The following ABCC3 variants were observed in gnomAD, a reference collection of about 807,000 sequenced individuals.
ABCC3 encodes the protein ATP-binding cassette sub-family C member 3.
In ABCC3, 121 loss-of-function variants were observed where a neutral mutation model predicts 165.3. The observed-to-expected ratio is 0.73, with a 90% CI of 0.63 to 0.85. The LOEUF is 0.85. Ranked by LOEUF, ABCC3 falls within the 40% of genes least tolerant of loss-of-function variation. The probability of loss-of-function intolerance (pLI) is 0.00; values close to 1 mark genes in which losing one functional copy is unlikely to be tolerated. For synonymous variants in ABCC3, 733 were observed against 810.1 expected, an observed-to-expected ratio of 0.90 and a Z score of 1.62; for missense variants, 1,869 against 1,964.1, an observed-to-expected ratio of 0.95 and a Z score of 0.92.
chr17:50,673,692 C>G (rs1295281746), intron 19 of ABCC3, 34 bp downstream of exon 19: 20 of 1,604,076 alleles, frequency 1.2e-5, no homozygotes, highest in Non-Finnish European at 1.5e-5. Context: ...GATTCCCATG[C>G]CTTCCCAGCA....
intron 26 of ABCC3, among the ~76,000 whole-genome samples, chr17:50,683,190 C>A (rs1399574512): frequency 2.0e-5 from 3 of 151,598 alleles, no homozygotes; most frequent in Non-Finnish European, 4.4e-5. Context: ...GCCTGAGTGA[C>A]AGAACAAGAA....
rs11568605 is a variant in ABCC3 at position 50,663,719 on chromosome 17, C to G, written c.1037C>G (p.Ser346Cys). 1.9e-6 allele frequency: 3 copies of G among 1,614,228 alleles called. No individual in the cohort carries two copies. The South Asian group carries it at 3.3e-5, about 18-fold the overall frequency. The stretch of plus-strand genomic sequence containing the variant: ...TTTATCTCCAACCCCATGGCCCCCT[C>G]CTGGTGGGGCTTCCTGGTGGCTGGG... Reference protein sequence around the residue: ...IRFISNPMAPSWWGFLVAGLM... With the variant: ...IRFISNPMAPCWWGFLVAGLM... The change falls in exon 9 of 31, where the codon TCC becomes TGC. Residue 346 changes from serine (S) to cysteine (C), a missense_variant. Transcript: ENST00000285238.
chr17:50,670,976 T>C (rs1555594076), intron 17 of ABCC3, among the ~76,000 whole-genome samples: 3 of 152,118 alleles, frequency 2.0e-5, no homozygotes, highest in Non-Finnish European at 2.9e-5. Context: ...ACATAAAATA[T>C]ATCATCTTGC....
rs72837543 is a variant in ABCC3, at chr17:50,652,701, G to A, written c.46-3131G>A. Among the ~76,000 whole-genome samples, 25 of 152,284 alleles carry A rather than the reference G, an allele frequency of 1.6e-4. 1 individual carries two copies. The South Asian group carries it at 1.7e-3, about 10-fold the overall frequency. The stretch of plus-strand genomic sequence containing the variant: ...GTTAGCCACCGTCCCAGAAAGTGGC[G>A]TCTCAGACTCTGGAGTCCCAGACTC... On this transcript the variant is annotated intron_variant, in intron 1 of 30. Transcript: ENST00000285238.
chr17:50,656,576 C>A, intron 2 of ABCC3, 126 bp from the exon 3 acceptor site: 1 of 1,338,982 alleles, frequency 7.5e-7, no homozygotes, highest in Non-Finnish European at 1.0e-6. Flanking sequence ...GCTCCATTCC[C>A]AGACCTCAGT....
At position 50,664,064 on chromosome 17, in the gene ABCC3, T is replaced by C. The variant is rs1408522194; in HGVS notation, c.1291T>C (p.Trp431Arg). The C allele has an allele frequency of 1.9e-6, 3 of 1,614,222 alleles. No individual in the cohort carries two copies. The highest frequency in any genetic ancestry group is 2.2e-5 in the South Asian group (2 of 91,084). ...CCTTGCCCCCTTCCTCAATCTGCTGTGGTCAGCACCCCTGCAGATCATCCT... is the reference window on the plus strand; with the variant it reads ...CCTTGCCCCCTTCCTCAATCTGCTGCGGTCAGCACCCCTGCAGATCATCCT... ...MDLAPFLNLL[W>R]SAPLQIILAI... The change falls in exon 10 of 31, where the codon TGG becomes CGG. Residue 431 changes from tryptophan to arginine, a missense_variant. Transcript: ENST00000285238.
Position 50,676,496 on chromosome 17 carries a change from A to G in ABCC3, c.3286A>G (p.Asn1096Asp), listed in dbSNP as rs1380206473. 1.2e-6 allele frequency: 2 copies of G among 1,612,900 alleles called. No homozygotes were observed. Among genetic ancestry groups the G allele is most frequent in the Non-Finnish European group, 1.7e-6 (2 of 1,179,774 alleles). ...CCTCATGCTGCTCAATTCCTTCTTC[A>G]ACGCCATCTCCACTCTTGTGGTCAT... is the stretch of plus-strand genomic sequence containing the variant. ...VILMLLNSFF[N>D]AISTLVVIMA... The change falls in exon 23 of 31, where the codon AAC becomes GAC. Residue 1096 changes from asparagine (N) to aspartate (D), a missense_variant. Transcript: ENST00000285238.
chr17:50,645,576 T>C (rs2146592739), intron 1 of ABCC3, among the ~76,000 whole-genome samples: 1 of 152,188 alleles, frequency 6.6e-6, no homozygotes, highest in South Asian at 2.1e-4. Context: ...TTCATTCATT[T>C]ATTCAATAAA....
chr17:50,673,989 T>C (rs1567835604), intron 19 of ABCC3, among the ~76,000 whole-genome samples: 7 of 5,710 alleles, frequency 1.2e-3, no homozygotes, highest in East Asian at 2.7e-3. Flanking sequence ...TCTCTCTCTC[T>C]CTCTCTCTCT....
intron 1 of ABCC3, among the ~76,000 whole-genome samples, chr17:50,652,637 C>T (rs1308432483): frequency 6.6e-6 from 1 of 152,060 alleles, no homozygotes. Flanking sequence ...ACCCATTTTT[C>T]CAAAAATACA....
chr17:50,673,170 G>T (rs1291011195), intron 18 of ABCC3, 32 bp downstream of exon 18: 1 of 1,611,224 alleles, frequency 6.2e-7, no homozygotes, highest in Non-Finnish European at 8.5e-7. Context: ...GGGGGCTAAG[G>T]TGAGATCTGA....
At chr17:50,664,413 C>T in intron 10 of ABCC3, 1 of 376,158 alleles carries the variant, frequency 2.7e-6, no homozygotes, top group Non-Finnish European at 4.9e-6. Flanking sequence ...ATAGAATTGA[C>T]ACAAGAGCTG....
intron 26 of ABCC3, 65 bp downstream of exon 26, chr17:50,679,964 C>T: frequency 7.8e-7 from 1 of 1,288,186 alleles, no homozygotes; most frequent in Non-Finnish European, 1.1e-6. Flanking sequence ...AGCTTGGTGG[C>T]TCTCTCTCCC....
At chr17:50,677,599 T>G in intron 23 of ABCC3, 145 bp from the exon 24 acceptor site, 1 of 789,016 alleles carries the variant, frequency 1.3e-6, no homozygotes, top group Non-Finnish European at 2.1e-6. Context: ...CTTGGGTCCT[T>G]GGAGGTGGGG....
rs1167212650 is a variant in ABCC3 at position 50,655,422 on chromosome 17, C to CAAA, written c.46-407_46-405dup. Among the ~76,000 whole-genome samples, 23 of 113,942 alleles carry CAAA rather than the reference C, an allele frequency of 2.0e-4. No homozygotes were observed. In the East Asian group the frequency reaches 3.2e-3, roughly 16 times the overall value. The allele number at this position is 113,942 out of a possible 152,430, so 74.8% of individuals were successfully genotyped here. A position where few individuals can be genotyped will look rare whatever the true frequency, so the allele number is the denominator to read the frequency against. ...TCTGTCTCAAAAAAAAAAAAAAAAACAAAAACAAAAAAAAAAGAGTGGGAA... is the reference window on the plus strand; with the variant it reads ...TCTGTCTCAAAAAAAAAAAAAAAAACAAAAAAAACAAAAAAAAAAGAGTGGGAA... On this transcript the variant is annotated intron_variant, in intron 1 of 30. Transcript: ENST00000285238.
At position 50,665,117 on chromosome 17, in the gene ABCC3, TC is replaced by T. The variant is rs1206342218; in HGVS notation, c.1339-33del. On this transcript the variant is annotated intron_variant, in intron 10 of 30. Transcript: ENST00000285238. ...TCTCTCTGTAGACTTTGGTAATCTG[TC>T]CCTATGTGTCATCTATCCACCGGTG... 5 of 1,582,190 alleles carry T rather than the reference TC, an allele frequency of 3.2e-6. No individual in the cohort carries two copies. The South Asian group carries it at 5.5e-5, about 17-fold the overall frequency.
intron 1 of ABCC3, among the ~76,000 whole-genome samples, chr17:50,648,397 A>G (rs1047438621): frequency 1.3e-5 from 2 of 152,154 alleles, no homozygotes; most frequent in African/African-American, 4.8e-5. Flanking sequence ...AACACCCAAG[A>G]TACTTATCCA....
chr17:50,639,767 CT>C (rs140428476), intron 1 of ABCC3, among the ~76,000 whole-genome samples: 38,758 of 143,634 alleles, frequency 0.27, 5,065 homozygotes, highest in Admixed American at 0.29. Flanking sequence ...TGGATTTCTC[CT>C]TTTTTTTTTT....
intron 28 of ABCC3, 88 bp downstream of exon 28, chr17:50,684,195 G>A (rs1967980558): frequency 1.3e-6 from 2 of 1,507,614 alleles, no homozygotes; most frequent in Non-Finnish European, 1.8e-6. Context: ...TGGAGACTGG[G>A]ACCCCAGTCT....
Sources: allele counts gnomAD v4.1 joint callset (sites outside exome capture counted in the v4.1 genomes callset), GRCh38; gene constraint gnomAD v4.1.1; transcripts MANE v1.5; gene names NCBI Gene and HGNC (gene_info 2026-07-23, HGNC 2026-07-21).